The following MTA3 variants were observed in gnomAD, a reference collection of about 807,000 sequenced individuals.
The protein encoded by MTA3 is metastasis-associated protein MTA3.
A neutral mutation model predicts 83.5 loss-of-function variants in MTA3; 34 were observed. That is an observed-to-expected ratio of 0.41 (90% CI 0.31 to 0.54). The LOEUF (loss-of-function observed/expected upper bound fraction) is 0.54, where lower values mean the gene tolerates loss of function less well. Ranked by LOEUF, MTA3 falls within the 20% of genes least tolerant of loss-of-function variation. The pLI is 0.33. For missense variants in MTA3, 761 were observed against 726.4 expected (o/e 1.05, Z -0.55); for synonymous variants, 303 against 252.7 (o/e 1.20, Z -1.89).
intron 8 of MTA3, among the ~76,000 whole-genome samples, chr2:42,661,503 T>C (rs1689706000): frequency 1.4e-5 from 1 of 73,004 alleles, no homozygotes; most frequent in African/African-American, 7.4e-5. Context: ...TGAGACCCTG[T>C]CTCAAAAAAA....
intron 9 of MTA3, among the ~76,000 whole-genome samples, chr2:42,690,925 A>G (rs1692834849): frequency 6.7e-6 from 1 of 148,688 alleles, no homozygotes; most frequent in Non-Finnish European, 1.5e-5. Flanking sequence ...TGCCCAAGCT[A>G]GAGTGCAGTG....
intron 6 of MTA3, among the ~76,000 whole-genome samples, chr2:42,647,663 A>G (rs1455611328): frequency 6.6e-6 from 1 of 152,014 alleles, no homozygotes; most frequent in Non-Finnish European, 1.5e-5. Flanking sequence ...TTTCTTTGTT[A>G]AGTATTCATC....
intron 2 of MTA3, among the ~76,000 whole-genome samples, chr2:42,535,394 A>C (rs1178331400): frequency 2.6e-5 from 4 of 151,986 alleles, no homozygotes; most frequent in Non-Finnish European, 4.4e-5. Context: ...CAAAAAAAAA[A>C]CAGACAAACT....
At chr2:42,670,916 A>G (rs1297886408) in intron 8 of MTA3, among the ~76,000 whole-genome samples, 1 of 152,088 alleles carries the variant, frequency 6.6e-6, no homozygotes, top group Non-Finnish European at 1.5e-5. Context: ...TTGTTACAGT[A>G]CTGTTGTCTA....
chr2:42,645,395 T>C (rs1282523410), intron 6 of MTA3, among the ~76,000 whole-genome samples: 2 of 152,004 alleles, frequency 1.3e-5, no homozygotes, highest in Non-Finnish European at 2.9e-5. Context: ...TGTGATGGTG[T>C]GTGCCTGTAT....
chr2:42,596,967 C>T lies in MTA3; in HGVS notation c.191-12491C>T, dbSNP rs186498205. Among the ~76,000 whole-genome samples the T allele has an allele frequency of 3.6e-3, 539 of 151,146 alleles. 3 individuals are homozygous for T. Among genetic ancestry groups the T allele is most frequent in the Non-Finnish European group, 5.4e-3 (366 of 67,746 alleles). On this transcript the variant is annotated intron_variant, in intron 3 of 16. Coordinates refer to ENST00000405094, the MANE Select transcript of MTA3 (RefSeq NM_001330442.2). ...TCGCCCAGGCTGGAGTGCAGTGGTG[C>T]GATCTTGGCTCACTGCAACCTCTGC...
intron 8 of MTA3, among the ~76,000 whole-genome samples, chr2:42,661,023 A>G (rs1459641407): frequency 6.6e-6 from 1 of 152,166 alleles, no homozygotes; most frequent in East Asian, 1.9e-4. Flanking sequence ...GTACAATTAT[A>G]GATTGTGACT....
intron 2 of MTA3, among the ~76,000 whole-genome samples, chr2:42,528,466 C>T (rs1450710881): frequency 6.6e-6 from 1 of 152,090 alleles, no homozygotes; most frequent in Admixed American, 6.6e-5. Context: ...GTGATCCACC[C>T]GCCTCGGCCT....
intron 2 of MTA3, among the ~76,000 whole-genome samples, chr2:42,535,783 T>G (rs906577795): frequency 9.9e-5 from 15 of 152,122 alleles, no homozygotes; most frequent in East Asian, 3.9e-4. Context: ...GAAAGGATCC[T>G]GGGGGTGGTC....
chr2:42,686,733 A>G (rs1467361068), intron 9 of MTA3, among the ~76,000 whole-genome samples: 1 of 152,164 alleles, frequency 6.6e-6, no homozygotes, highest in Non-Finnish European at 1.5e-5. Context: ...AGACTGAGGC[A>G]GGAGAATCGC....
rs193259541 is a variant in MTA3, at chr2:42,669,787, G to A, written c.702+9925G>A. Among the ~76,000 whole-genome samples, 64 of 151,844 alleles carry A rather than the reference G, an allele frequency of 4.2e-4. 1 individual carries two copies. The East Asian group carries it at 4.8e-3, about 11-fold the overall frequency. Reference sequence around the variant, plus strand: ...TTTAATGAGATTTTTTCTTTTTTGGGGTAAATACAGCCTTTTACTTTTTCT... The same window carrying A: ...TTTAATGAGATTTTTTCTTTTTTGGAGTAAATACAGCCTTTTACTTTTTCT... On this transcript the variant is annotated intron_variant, in intron 8 of 16. Coordinates refer to ENST00000405094, the MANE Select transcript of MTA3 (RefSeq NM_001330442.2).
At chr2:42,686,532 A>G (rs1054843911) in intron 9 of MTA3, among the ~76,000 whole-genome samples, 2 of 151,820 alleles carry the variant, frequency 1.3e-5, no homozygotes, top group African/African-American at 4.8e-5. Flanking sequence ...AAAAAAAAAA[A>G]AGAAAGAACA....
chr2:42,754,533 G>C lies in MTA3; in HGVS notation c.*1134G>C. ...CCACTCAGCTGTGCTGAGTAGCTGT[G>C]CTACTTGTGCTGGCAGCTGCAAGGA... On this transcript the variant is annotated 3_prime_UTR_variant, in exon 17 of 17. Coordinates refer to ENST00000405094, the MANE Select transcript of MTA3 (RefSeq NM_001330442.2). 1 of 985,458 alleles carries C rather than the reference G, an allele frequency of 1.0e-6. No individual in the cohort carries two copies. The highest frequency in any genetic ancestry group is 1.7e-5 in the African/African-American group (1 of 57,366). The allele number at this position is 985,458 out of a possible 1,614,324, so 61.0% of individuals were successfully genotyped here.
At chr2:42,690,125 CTA>C (rs1692746857) in intron 9 of MTA3, among the ~76,000 whole-genome samples, 1 of 152,058 alleles carries the variant, frequency 6.6e-6, no homozygotes, top group African/African-American at 2.4e-5. Flanking sequence ...GAATGAATAG[CTA>C]CTGCACTCCA....
intron 8 of MTA3, among the ~76,000 whole-genome samples, chr2:42,666,369 TA>T (rs1373969493): frequency 6.6e-6 from 1 of 152,224 alleles, no homozygotes; most frequent in Non-Finnish European, 1.5e-5. Context: ...CATGTAGGGT[TA>T]AAACTTAGAT....
intron 2 of MTA3, among the ~76,000 whole-genome samples, chr2:42,576,499 T>C (rs2103857179): frequency 6.6e-6 from 1 of 152,168 alleles, no homozygotes; most frequent in East Asian, 1.9e-4. Flanking sequence ...GCATGGTGGC[T>C]CAGGCCTGTA....
At chr2:42,546,010 T>C (rs577629578) in intron 2 of MTA3, among the ~76,000 whole-genome samples, 64 of 152,280 alleles carry the variant, frequency 4.2e-4, no homozygotes, top group African/African-American at 1.5e-3. Context: ...GCAATGATAA[T>C]GGTACTATTT....
intron 4 of MTA3, among the ~76,000 whole-genome samples, chr2:42,614,983 A>G (rs1235734544): frequency 6.6e-6 from 1 of 150,796 alleles, no homozygotes; most frequent in Non-Finnish European, 1.5e-5. Context: ...TCTTAAAAAA[A>G]AAAAAAACAA....
At chr2:42,704,077 A>C (rs2304658) in intron 11 of MTA3, 117 bp from the exon 12 acceptor site, 702,197 of 1,160,854 alleles carry the variant, frequency 0.6, 217,066 homozygotes, top group South Asian at 0.8. Context: ...TCTTCTTCAC[A>C]CATTTTAAAA....
Sources: gnomAD v4.1 joint callset for allele counts (sites outside exome capture counted in the v4.1 genomes callset) on GRCh38, gnomAD v4.1.1 for gene constraint, MANE v1.5 for transcripts, NCBI Gene and HGNC (gene_info 2026-07-23, HGNC 2026-07-21) for gene names.